Variants in CNTN4 observed in about 807,000 individuals in gnomAD.
The protein encoded by CNTN4 is contactin-4.
CNTN4 carries 77 observed loss-of-function variants against 122.5 expected under a neutral mutation model. The ratio of observed to expected loss-of-function variants is 0.63; its 90% CI spans 0.52 to 0.76. The LOEUF (loss-of-function observed/expected upper bound fraction) is 0.76, where lower values mean the gene tolerates loss of function less well. Ranked by LOEUF, CNTN4 falls within the 30% of genes least tolerant of loss-of-function variation. The pLI is 0.00. For synonymous variants in CNTN4, 512 were observed against 447.0 expected (o/e 1.15, Z -1.83); for missense variants, 1,256 against 1,259.1 (o/e 1.00, Z 0.04).
chr3:2,698,813 T>C (rs1376340349), intron 4 of CNTN4, among the ~76,000 whole-genome samples: 1 of 151,960 alleles, frequency 6.6e-6, no homozygotes, highest in East Asian at 1.9e-4. Flanking sequence ...AGGTCAGGAG[T>C]TCGAGATCAG....
intron 13 of CNTN4, among the ~76,000 whole-genome samples, chr3:2,983,213 CAAAAAAAAAAAAAAAAAAAAAAAAA>C (rs57079892): frequency 3.2e-4 from 6 of 19,014 alleles, no homozygotes; most frequent in South Asian, 3.2e-3. Context: ...GACTCCATCT[CAAAAAAAAAAAAAAAAAAAAAAAAA>C]AAAAAAAAAA....
intron 3 of CNTN4, among the ~76,000 whole-genome samples, chr3:2,431,139 G>GA (rs1301661026): frequency 7.9e-5 from 12 of 152,070 alleles, no homozygotes; most frequent in African/African-American, 2.9e-4. Context: ...TTTGTAATAT[G>GA]AAAAAATCAT....
At chr3:2,263,967 T>TA (rs2040941661) in intron 2 of CNTN4, among the ~76,000 whole-genome samples, 1 of 152,206 alleles carries the variant, frequency 6.6e-6, no homozygotes, top group Non-Finnish European at 1.5e-5. Flanking sequence ...GGCCAAATAA[T>TA]ATTCCATTGT....
At chr3:2,127,813 C>T (rs181170269) in intron 2 of CNTN4, among the ~76,000 whole-genome samples, 15 of 152,242 alleles carry the variant, frequency 9.9e-5, no homozygotes, top group Admixed American at 8.5e-4. Context: ...CTACAGGGAA[C>T]CTTTAAGTCA....
rs527558860 is a variant in CNTN4, at chr3:2,446,908, T to G, written c.-89+107675T>G. Among the ~76,000 whole-genome samples, 52 of 152,310 alleles carry G rather than the reference T, an allele frequency of 3.4e-4. No individual in the cohort carries two copies. In the South Asian group the frequency reaches 0.011, roughly 32 times the overall value. On this transcript the variant is annotated intron_variant, in intron 3 of 24. Transcript: ENST00000418658. ...AACAATATAATCGTTCTTCCCTTAT[T>G]TACTTTATTTGTGAGGATCATATAC...
chr3:2,243,892 A>G (rs536473186), intron 2 of CNTN4, among the ~76,000 whole-genome samples: 2 of 152,212 alleles, frequency 1.3e-5, no homozygotes, highest in African/African-American at 4.8e-5. Flanking sequence ...GCCCACAGGA[A>G]AATATTGGAG....
chr3:2,201,785 A>C (rs373819907), intron 2 of CNTN4, among the ~76,000 whole-genome samples: 1 of 152,146 alleles, frequency 6.6e-6, no homozygotes, highest in East Asian at 1.9e-4. Flanking sequence ...TTACCACTTA[A>C]AATTTTCAGA....
intron 3 of CNTN4, among the ~76,000 whole-genome samples, chr3:2,456,227 A>G (rs963602189): frequency 1.3e-5 from 2 of 151,848 alleles, no homozygotes; most frequent in African/African-American, 4.8e-5. Context: ...TGAGGGAGTA[A>G]TTTCCCCATC....
At chr3:2,707,513 T>G (rs1435884107) in intron 4 of CNTN4, among the ~76,000 whole-genome samples, 1 of 152,222 alleles carries the variant, frequency 6.6e-6, no homozygotes, top group Admixed American at 6.5e-5. Context: ...CATCTGCTTT[T>G]CAAATTGAAA....
At chr3:3,007,891 C>G (rs968842101) in intron 14 of CNTN4, among the ~76,000 whole-genome samples, 7 of 152,080 alleles carry the variant, frequency 4.6e-5, no homozygotes, top group Non-Finnish European at 1.0e-4. Context: ...AGAGATAAAC[C>G]CAAGACCATC....
At chr3:3,040,639 T>C (rs914318591) in intron 20 of CNTN4, among the ~76,000 whole-genome samples, 1 of 152,218 alleles carries the variant, frequency 6.6e-6, no homozygotes, top group African/African-American at 2.4e-5. Context: ...TGTATTTTCA[T>C]AAAGCATATG....
intron 3 of CNTN4, among the ~76,000 whole-genome samples, chr3:2,406,801 TAA>T (rs755691624): frequency 6.6e-6 from 1 of 152,168 alleles, no homozygotes; most frequent in Non-Finnish European, 1.5e-5. Context: ...TGAAGTGATA[TAA>T]GTGTGGTTTT....
intron 2 of CNTN4, among the ~76,000 whole-genome samples, chr3:2,102,332 T>A (rs1255482131): frequency 6.6e-6 from 1 of 152,152 alleles, no homozygotes; most frequent in Non-Finnish European, 1.5e-5. Context: ...GTTCCTTAAT[T>A]TCTGTGAGCC....
Position 2,960,517 on chromosome 3 carries a change from T to C in CNTN4, c.1359-27828T>C, listed in dbSNP as rs559082946. 6.0e-4 allele frequency among the ~76,000 whole-genome samples: 91 copies of C among 152,322 alleles called. 1 individual carries two copies. The highest frequency in any genetic ancestry group is 2.1e-3 in the African/African-American group (86 of 41,574). ...AATAGGCCTGTTAAAATAAAACATT[T>C]AGACCTGTAGAAGAAGGGGAATGTG... On this transcript the variant is annotated intron_variant, in intron 13 of 24. Coordinates refer to ENST00000418658, the MANE Select transcript of CNTN4 (RefSeq NM_175607.3).
intron 5 of CNTN4, among the ~76,000 whole-genome samples, chr3:2,744,045 G>C (rs1040679938): frequency 2.8e-4 from 42 of 152,114 alleles, no homozygotes; most frequent in African/African-American, 1.0e-3. Context: ...AAATTCCTGG[G>C]CTCAAGAGAC....
intron 4 of CNTN4, among the ~76,000 whole-genome samples, chr3:2,595,335 T>C (rs973971825): frequency 4.6e-5 from 7 of 152,206 alleles, no homozygotes; most frequent in Non-Finnish European, 1.0e-4. Context: ...CATGTATTAA[T>C]AGACTTCAGG....
At chr3:2,981,366 C>T (rs1693980179) in intron 13 of CNTN4, among the ~76,000 whole-genome samples, 2 of 151,600 alleles carry the variant, frequency 1.3e-5, no homozygotes, top group Non-Finnish European at 1.5e-5. Context: ...ATGGCGTGAA[C>T]CCAGGAGTTG....
rs138767235 is a variant in CNTN4, at chr3:2,882,526, C to T, written c.653-619C>T. ...GAATATGACCCTCCAAATAAGTGTG[C>T]CATTGGCAAGGTAGGTGTAACTTAA... is the stretch of plus-strand genomic sequence containing the variant. On this transcript the variant is annotated intron_variant, in intron 8 of 24. Transcript: ENST00000418658. Among the ~76,000 whole-genome samples the T allele has an allele frequency of 3.9e-5, 6 of 152,222 alleles. No homozygotes were observed. In the East Asian group the frequency reaches 1.2e-3, roughly 29 times the overall value.
At chr3:2,652,469 A>G (rs1023662981) in intron 4 of CNTN4, among the ~76,000 whole-genome samples, 5 of 152,198 alleles carry the variant, frequency 3.3e-5, no homozygotes, top group African/African-American at 1.2e-4. Context: ...GCAGATAATG[A>G]AAGGGGACTG....
Sources: gnomAD v4.1 joint callset for allele counts (sites outside exome capture counted in the v4.1 genomes callset) on GRCh38, gnomAD v4.1.1 for gene constraint, MANE v1.5 for transcripts, NCBI Gene and HGNC (gene_info 2026-07-23, HGNC 2026-07-21) for gene names.